OCA2: variants seen among roughly 807,000 people sequenced by gnomAD.
The protein encoded by OCA2 is P protein.
OCA2 carries 77 observed loss-of-function variants against 100.2 expected under a neutral mutation model. The observed-to-expected ratio is 0.77, with a 90% CI of 0.64 to 0.93. The LOEUF is 0.93. Among genes scored for constraint, OCA2 ranks in the 40% least tolerant of loss-of-function variants. OCA2 has a pLI of 0.00. For synonymous variants in OCA2, 432 were observed against 439.2 expected (o/e 0.98, Z 0.21); for missense variants, 1,062 against 1,089.1 (o/e 0.98, Z 0.35).
At chr15:28,087,633 G>C (rs560197791) in intron 1 of OCA2, among the ~76,000 whole-genome samples, 1 of 152,280 alleles carries the variant, frequency 6.6e-6, no homozygotes, top group South Asian at 2.1e-4. Flanking sequence ...TATAGTCCCA[G>C]CTACTCAGGA....
rs141700932 is a variant in OCA2 at position 27,823,218 on chromosome 15, T to A, written c.2432+21741A>T. On this transcript the variant is annotated intron_variant, in intron 23 of 23. Transcript: ENST00000354638. ...TCTTTCCCACTGGTTTTTCTGTCTT[T>A]GCACTAAGACTACACTGTGCTAATT... is the stretch of plus-strand genomic sequence containing the variant. Among the ~76,000 whole-genome samples the A allele has an allele frequency of 2.5e-3, 380 of 152,340 alleles. 2 individuals are homozygous for A. The highest frequency in any genetic ancestry group is 8.7e-3 in the African/African-American group (361 of 41,578).
At chr15:27,765,491 A>G (rs191714610) in intron 23 of OCA2, among the ~76,000 whole-genome samples, 9 of 152,334 alleles carry the variant, frequency 5.9e-5, no homozygotes, top group African/African-American at 1.9e-4. Flanking sequence ...ATTTAGATTA[A>G]GTAAATTTCC....
At chr15:27,928,847 C>T (rs2039141815) in intron 18 of OCA2, among the ~76,000 whole-genome samples, 1 of 152,118 alleles carries the variant, frequency 6.6e-6, no homozygotes, top group South Asian at 2.1e-4. Context: ...ATTGGATCTA[C>T]CTGGATAATC....
chr15:28,061,237 A>G (rs2043863324), intron 2 of OCA2, among the ~76,000 whole-genome samples: 1 of 151,938 alleles, frequency 6.6e-6, no homozygotes. Flanking sequence ...CTGAAAGCCG[A>G]CCCCAACATG....
At chr15:28,022,193 G>A (rs971152320) in intron 6 of OCA2, among the ~76,000 whole-genome samples, 3 of 152,212 alleles carry the variant, frequency 2.0e-5, no homozygotes, top group Admixed American at 1.3e-4. Context: ...CACGCTGAAC[G>A]CAAAAGAGAC....
At chr15:27,862,405 G>C (rs575824209) in intron 21 of OCA2, among the ~76,000 whole-genome samples, 270 of 152,228 alleles carry the variant, frequency 1.8e-3, no homozygotes, top group African/African-American at 6.4e-3. Context: ...ACAGTGCACA[G>C]CACCCATACA....
At chr15:27,825,761 G>A (rs373827417) in intron 23 of OCA2, among the ~76,000 whole-genome samples, 153 of 152,278 alleles carry the variant, frequency 1.0e-3, no homozygotes, top group African/African-American at 3.3e-3. Context: ...AGCTCCTCCC[G>A]GAAGTGTCCA....
chr15:27,830,886 C>T (rs528402465), intron 23 of OCA2, among the ~76,000 whole-genome samples: 57 of 152,310 alleles, frequency 3.7e-4, no homozygotes, highest in Non-Finnish European at 6.8e-4. Flanking sequence ...CTCCAAGTTA[C>T]ATACATATAG....
intron 2 of OCA2, among the ~76,000 whole-genome samples, chr15:28,051,284 GGTTTTGTTTT>G (rs376241892): frequency 6.6e-6 from 1 of 152,086 alleles, no homozygotes; most frequent in Admixed American, 6.6e-5. Flanking sequence ...TTCCCTTTAT[GGTTTTGTTTT>G]GTTTTGTTTT....
intron 2 of OCA2, among the ~76,000 whole-genome samples, chr15:28,041,713 A>T (rs1441027635): frequency 4.6e-5 from 7 of 152,254 alleles, no homozygotes; most frequent in Non-Finnish European, 8.8e-5. Context: ...ATATTCACAC[A>T]ATGGAATTTC....
chr15:27,948,877 C>G lies in OCA2; in HGVS notation c.1951+2907G>C, dbSNP rs80064694. Among the ~76,000 whole-genome samples the G allele has an allele frequency of 8.5e-5, 13 of 152,270 alleles. No individual in the cohort carries two copies. In the East Asian group the frequency reaches 2.5e-3, roughly 29 times the overall value. The stretch of plus-strand genomic sequence containing the variant: ...ATACGATCTGATTCCATGTATATGA[C>G]AGCCCCAAAAACACAAAACCATAGT... On this transcript the variant is annotated intron_variant, in intron 18 of 23. Transcript: ENST00000354638.
At chr15:28,024,746 C>T in intron 5 of OCA2, 99 bp downstream of exon 5, 3 of 1,214,978 alleles carry the variant, frequency 2.5e-6, no homozygotes, top group South Asian at 2.4e-5. Context: ...GAGGGCCAGG[C>T]ACTGAGCCCC....
chr15:27,909,290 TTAAA>T (rs1353377286), intron 19 of OCA2, among the ~76,000 whole-genome samples: 1 of 152,218 alleles, frequency 6.6e-6, no homozygotes, highest in Non-Finnish European at 1.5e-5. Context: ...TGTTCTCAGA[TTAAA>T]TTAATTAACA....
intron 23 of OCA2, among the ~76,000 whole-genome samples, chr15:27,818,184 G>C (rs1302786894): frequency 2.0e-5 from 3 of 152,152 alleles, no homozygotes; most frequent in Non-Finnish European, 2.9e-5. Flanking sequence ...GAGGTCAGGA[G>C]TTTGAGATCA....
At chr15:27,947,648 G>A (rs1287487390) in intron 18 of OCA2, among the ~76,000 whole-genome samples, 1 of 152,208 alleles carries the variant, frequency 6.6e-6, no homozygotes, top group East Asian at 1.9e-4. Context: ...CATGCACTCT[G>A]GCATCCCACG....
intron 11 of OCA2, among the ~76,000 whole-genome samples, chr15:27,987,457 C>T (rs185509709): frequency 1.2e-3 from 186 of 152,054 alleles, no homozygotes; most frequent in Admixed American, 2.6e-3. Context: ...TGGTGGCTCA[C>T]GCCTGTAATC....
intron 23 of OCA2, among the ~76,000 whole-genome samples, chr15:27,836,396 C>G (rs139610386): frequency 6.8e-6 from 1 of 146,668 alleles, no homozygotes; most frequent in African/African-American, 2.6e-5. Context: ...CTTTTCTTGT[C>G]TTGTCTTTTC....
At chr15:27,956,496 CGTGGTGA>C (rs2040226810) in intron 16 of OCA2, among the ~76,000 whole-genome samples, 1 of 152,208 alleles carries the variant, frequency 6.6e-6, no homozygotes, top group African/African-American at 2.4e-5. Flanking sequence ...CTGATGGGAA[CGTGGTGA>C]GCCTCGGAGC....
At chr15:28,060,189 C>A (rs2043829167) in intron 2 of OCA2, among the ~76,000 whole-genome samples, 1 of 152,078 alleles carries the variant, frequency 6.6e-6, no homozygotes, top group African/African-American at 2.4e-5. Flanking sequence ...TGTAGGTCCC[C>A]AGCATGCCTG....
Sources: gnomAD v4.1 joint callset for allele counts (sites outside exome capture counted in the v4.1 genomes callset) on GRCh38, gnomAD v4.1.1 for gene constraint, MANE v1.5 for transcripts, NCBI Gene and HGNC (gene_info 2026-07-23, HGNC 2026-07-21) for gene names.